Variants in GALNT10 observed in about 807,000 individuals in gnomAD.
The protein encoded by GALNT10 is GalNAc transferase 10.
In GALNT10, 41 loss-of-function variants were observed where a neutral mutation model predicts 75.0. That is an observed-to-expected ratio of 0.55 (90% CI 0.43 to 0.71). The LOEUF is 0.71. Among genes scored for constraint, GALNT10 ranks in the 30% least tolerant of loss-of-function variants. The pLI, the probability that GALNT10 is intolerant of heterozygous loss-of-function variation, is 0.00. For synonymous variants in GALNT10, 302 were observed against 313.0 expected (o/e 0.96, Z 0.37); for missense variants, 727 against 818.5 (o/e 0.89, Z 1.36).
At chr5:154,339,829 A>G (rs1278188764) in intron 4 of GALNT10, among the ~76,000 whole-genome samples, 2 of 152,220 alleles carry the variant, frequency 1.3e-5, no homozygotes, top group African/African-American at 4.8e-5. Context: ...CCTTAAAAAC[A>G]TAGTGTGGGG....
chr5:154,244,914 G>T (rs1320907117), intron 1 of GALNT10, among the ~76,000 whole-genome samples: 2 of 152,212 alleles, frequency 1.3e-5, no homozygotes, highest in Admixed American at 1.3e-4. Context: ...AACTCCTTAA[G>T]TGTGGAACAT....
At chr5:154,266,471 C>T (rs1405820082) in intron 1 of GALNT10, among the ~76,000 whole-genome samples, 1 of 151,822 alleles carries the variant, frequency 6.6e-6, no homozygotes, top group African/African-American at 2.4e-5. Context: ...ATCCTATGAA[C>T]CCTTTACCTA....
intron 1 of GALNT10, among the ~76,000 whole-genome samples, chr5:154,265,524 T>C (rs1272769180): frequency 3.9e-5 from 6 of 152,304 alleles, no homozygotes; most frequent in African/African-American, 1.4e-4. Flanking sequence ...TTATAGAGTG[T>C]TTTGATTCTA....
At chr5:154,318,753 C>A (rs1754634080) in intron 3 of GALNT10, among the ~76,000 whole-genome samples, 1 of 152,174 alleles carries the variant, frequency 6.6e-6, no homozygotes, top group South Asian at 2.1e-4. Context: ...TTTATTTAAT[C>A]TTCCCCTATT....
intron 1 of GALNT10, among the ~76,000 whole-genome samples, chr5:154,217,110 G>A (rs1752885477): frequency 6.6e-6 from 1 of 152,186 alleles, no homozygotes; most frequent in Admixed American, 6.5e-5. Flanking sequence ...AGCCTTGGAT[G>A]ATAAATTAGA....
In GALNT10 at chr5:154,352,695, A is replaced by G. The variant is rs1755228631; in HGVS notation, c.568+22957A>G. ...CTTGGACCTGTCCCTGTCCTGTGCC[A>G]TTTTTGAAAATTTTGTCAGCTGCAT... On this transcript the variant is annotated intron_variant, in intron 4 of 11. Coordinates refer to ENST00000297107, the MANE Select transcript of GALNT10 (RefSeq NM_198321.4). This position sits in a 1 kb window ranked among gnomAD's most constrained non-coding sequence, Gnocchi z 4.4. Among the ~76,000 whole-genome samples, 1 of 152,144 alleles carries G rather than the reference A, an allele frequency of 6.6e-6. No homozygotes were observed. Among genetic ancestry groups the G allele is most frequent in the Non-Finnish European group, 1.5e-5 (1 of 68,022 alleles).
chr5:154,200,003 G>A (rs554267896), intron 1 of GALNT10, among the ~76,000 whole-genome samples: 1 of 152,330 alleles, frequency 6.6e-6, no homozygotes, highest in South Asian at 2.1e-4. Flanking sequence ...GCTAGGAAGT[G>A]ATGGAAACAG....
At chr5:154,414,597 G>C (rs1408010876) in intron 10 of GALNT10, among the ~76,000 whole-genome samples, 2 of 151,948 alleles carry the variant, frequency 1.3e-5, no homozygotes, top group Non-Finnish European at 2.9e-5. Context: ...GTGGGGACAG[G>C]AGGAGGAGAT....
rs1756514765 is a variant in GALNT10 at position 154,416,513 on chromosome 5, ACACAC to A, written c.1654-300_1654-296del. Among the ~76,000 whole-genome samples, 1 of 146,026 alleles carries A rather than the reference ACACAC, an allele frequency of 6.8e-6. No homozygotes were observed. Among genetic ancestry groups the A allele is most frequent in the South Asian group, 2.2e-4 (1 of 4,514 alleles). ...CACACACACACACACACACACACAC[ACACAC>A]GATAAGGACCAGTGAGGTCTGACAG... On this transcript the variant is annotated intron_variant, in intron 11 of 11. Transcript: ENST00000297107. The surrounding 1 kb of genome is among the most constrained non-coding windows in gnomAD (Gnocchi z 4.5).
At chr5:154,266,248 A>G (rs989265790) in intron 1 of GALNT10, among the ~76,000 whole-genome samples, 4 of 152,136 alleles carry the variant, frequency 2.6e-5, no homozygotes, top group African/African-American at 4.8e-5. Context: ...TTGACATATC[A>G]TGAGTGAAGA....
At chr5:154,251,204 C>T (rs140290693) in intron 1 of GALNT10, among the ~76,000 whole-genome samples, 1 of 152,192 alleles carries the variant, frequency 6.6e-6, no homozygotes, top group East Asian at 1.9e-4. Flanking sequence ...CTGATCACAG[C>T]CCCCTCTTTC....
intron 4 of GALNT10, among the ~76,000 whole-genome samples, chr5:154,332,256 G>A (rs1754878633): frequency 6.6e-6 from 1 of 152,176 alleles, no homozygotes; most frequent in Admixed American, 6.5e-5. Flanking sequence ...CCTTCCCTCA[G>A]GTACGGGCTG....
chr5:154,376,529 G>T lies in GALNT10; in HGVS notation c.754+67G>T. 1 of 1,146,418 alleles carries T rather than the reference G, an allele frequency of 8.7e-7. No homozygotes were observed. Among genetic ancestry groups the T allele is most frequent in the Admixed American group, 2.6e-5 (1 of 38,890 alleles). The allele number at this position is 1,146,418 out of a possible 1,614,324, so 71.0% of individuals were successfully genotyped here. On this transcript the variant is annotated intron_variant, in intron 5 of 11. Coordinates refer to ENST00000297107, the MANE Select transcript of GALNT10 (RefSeq NM_198321.4). The surrounding 1 kb of genome is among the most constrained non-coding windows in gnomAD (Gnocchi z 4.1). ...GAGCCAGTGCCAGTGGCCCCCTCCT[G>T]CTGCAGGGAGCCATCCATAAGCCTT...
intron 4 of GALNT10, among the ~76,000 whole-genome samples, chr5:154,373,819 C>T (rs553264344): frequency 9.2e-5 from 14 of 152,256 alleles, no homozygotes; most frequent in African/African-American, 3.1e-4. Flanking sequence ...CACAAGCTGT[C>T]AGAAGGCCTT....
rs554166951 is a variant in GALNT10 at position 154,305,743 on chromosome 5, C to T, written c.401+7664C>T. 2.6e-5 allele frequency among the ~76,000 whole-genome samples: 4 copies of T among 152,278 alleles called. No homozygotes were observed. In the East Asian group the frequency reaches 7.7e-4, roughly 29 times the overall value. On this transcript the variant is annotated intron_variant, in intron 3 of 11. Coordinates refer to ENST00000297107, the MANE Select transcript of GALNT10 (RefSeq NM_198321.4). ...GATAAAACTATAAGGAGAGGCCGGGCACAGTGGCTCTCACCTGTAATCTTA... is the reference window on the plus strand; with the variant it reads ...GATAAAACTATAAGGAGAGGCCGGGTACAGTGGCTCTCACCTGTAATCTTA...
intron 3 of GALNT10, among the ~76,000 whole-genome samples, chr5:154,307,402 C>G (rs1363053383): frequency 1.3e-5 from 2 of 152,062 alleles, no homozygotes; most frequent in African/African-American, 4.8e-5. Flanking sequence ...GGGCAGATCA[C>G]GAGGTCAGGA....
At chr5:154,216,917 T>C (rs1752882251) in intron 1 of GALNT10, among the ~76,000 whole-genome samples, 1 of 151,674 alleles carries the variant, frequency 6.6e-6, no homozygotes, top group Non-Finnish European at 1.5e-5. Flanking sequence ...TGTCAACTTA[T>C]GAAAAAAAAA....
At chr5:154,277,299 G>A (rs1753966891) in intron 1 of GALNT10, among the ~76,000 whole-genome samples, 1 of 151,632 alleles carries the variant, frequency 6.6e-6, no homozygotes, top group African/African-American at 2.4e-5. Context: ...AGCATACTAG[G>A]CTGGGTTTGT....
intron 1 of GALNT10, among the ~76,000 whole-genome samples, chr5:154,278,936 A>G (rs564806083): frequency 1.2e-4 from 18 of 152,180 alleles, no homozygotes; most frequent in African/African-American, 4.1e-4. Context: ...TCTTGTTTCT[A>G]CCTTCATCTA....
Sources: gnomAD v4.1 joint callset for allele counts (sites outside exome capture counted in the v4.1 genomes callset) on GRCh38, gnomAD v4.1.1 for gene constraint, Gnocchi (gnomAD v3.1) non-coding constraint, MANE v1.5 for transcripts, NCBI Gene and HGNC (gene_info 2026-07-23, HGNC 2026-07-21) for gene names.